Variants in TMEM132D observed in about 807,000 individuals in gnomAD.
TMEM132D encodes the protein mature OL transmembrane protein.
TMEM132D carries 21 observed loss-of-function variants against 62.3 expected under a neutral mutation model. That is an observed-to-expected ratio of 0.34 (90% confidence interval 0.24 to 0.49). The LOEUF is 0.49. Among genes scored for constraint, TMEM132D ranks in the 20% least tolerant of loss-of-function variants. TMEM132D has a pLI of 0.99. For missense variants in TMEM132D, 1,346 were observed against 1,402.8 expected (o/e 0.96, Z 0.65); for synonymous variants, 621 against 575.6 (o/e 1.08, Z -1.13).
chr12:129,428,285 C>T (rs1187011967), intron 3 of TMEM132D, among the ~76,000 whole-genome samples: 4 of 152,336 alleles, frequency 2.6e-5, no homozygotes, highest in Non-Finnish European at 5.9e-5. Context: ...TACAGCACAA[C>T]AGCATCTTTT....
At chr12:129,586,532 T>G (rs1377421731) in intron 2 of TMEM132D, among the ~76,000 whole-genome samples, 13 of 152,282 alleles carry the variant, frequency 8.5e-5, no homozygotes, top group Non-Finnish European at 4.4e-5. Flanking sequence ...GGTCGGGTTC[T>G]AGGAGAGCCC....
chr12:129,582,393 C>T (rs1460569839), intron 2 of TMEM132D, among the ~76,000 whole-genome samples: 3 of 152,132 alleles, frequency 2.0e-5, no homozygotes, highest in Admixed American at 6.5e-5. Context: ...GGGTCACAGA[C>T]CCAGGGTTAC....
chr12:129,255,845 T>A (rs550709995), intron 4 of TMEM132D, among the ~76,000 whole-genome samples: 3 of 152,322 alleles, frequency 2.0e-5, no homozygotes, highest in Admixed American at 6.5e-5. Context: ...CATCAGGAGA[T>A]ATCTCCTTAT....
At position 129,700,236 on chromosome 12, in the gene TMEM132D, C is replaced by A. The variant is rs777401628; in HGVS notation, c.542G>T (p.Gly181Val). 1.9e-6 allele frequency: 3 copies of A among 1,613,006 alleles called. No individual in the cohort carries two copies. Among genetic ancestry groups the A allele is most frequent in the Non-Finnish European group, 2.5e-6 (3 of 1,179,948 alleles). ...FAFRETREVR[G>V]SCRLQGDLGL... ...CAGGTCCCCCTGCAGCCGGCAGCTG[C>A]CCCGCACCTCTCGGGTCTCTCGGAA... The change falls in exon 2 of 9, where the codon GGC (glycine) becomes GTC (valine). Residue 181 changes from glycine (G) to valine (V), a missense_variant. Physicochemically the swap from Gly to Val is moderately radical, Grantham distance 109. Transcript: ENST00000422113.
chr12:129,374,868 T>C (rs914673495), intron 3 of TMEM132D, among the ~76,000 whole-genome samples: 2 of 152,164 alleles, frequency 1.3e-5, no homozygotes, highest in Non-Finnish European at 2.9e-5. Flanking sequence ...AAAACTGTAC[T>C]TGGGTGGGGC....
At chr12:129,220,680 C>G (rs1879323320) in intron 4 of TMEM132D, among the ~76,000 whole-genome samples, 1 of 152,210 alleles carries the variant, frequency 6.6e-6, no homozygotes, top group African/African-American at 2.4e-5. Context: ...TTCACCCCAT[C>G]TCCCAGCGAC....
intron 3 of TMEM132D, among the ~76,000 whole-genome samples, chr12:129,530,665 G>A (rs1056136665): frequency 1.2e-4 from 19 of 152,306 alleles, no homozygotes; most frequent in Admixed American, 8.5e-4. Context: ...GAATGCACCC[G>A]TGTGAAGAGA....
intron 2 of TMEM132D, among the ~76,000 whole-genome samples, chr12:129,626,903 T>A (rs191993528): frequency 6.6e-6 from 1 of 152,190 alleles, no homozygotes; most frequent in East Asian, 1.9e-4. Context: ...CATCGACTTG[T>A]AAGGTCAGCC....
intron 3 of TMEM132D, among the ~76,000 whole-genome samples, chr12:129,398,795 G>C (rs1871506860): frequency 6.6e-6 from 1 of 152,050 alleles, no homozygotes; most frequent in African/African-American, 2.4e-5. Flanking sequence ...CTCTCCCTAA[G>C]GAGAACACTT....
At chr12:129,602,075 C>T (rs1274983662) in intron 2 of TMEM132D, among the ~76,000 whole-genome samples, 2 of 152,142 alleles carry the variant, frequency 1.3e-5, no homozygotes, top group Non-Finnish European at 2.9e-5. Flanking sequence ...TCATTGGAGT[C>T]CATTCACTTC....
intron 1 of TMEM132D, among the ~76,000 whole-genome samples, chr12:129,742,347 G>A (rs772121685): frequency 3.4e-4 from 52 of 152,106 alleles, no homozygotes; most frequent in Non-Finnish European, 6.2e-4. Flanking sequence ...AGGTGAAGAG[G>A]GAGCCAACAT....
At position 129,859,017 on chromosome 12, in the gene TMEM132D, T is replaced by TTGG. The variant is rs1165811333; in HGVS notation, c.79+44243_79+44244insCCA. Among the ~76,000 whole-genome samples the TTGG allele has an allele frequency of 5.9e-5, 8 of 135,856 alleles. 2 individuals are homozygous for TTGG. The highest frequency in any genetic ancestry group is 4.8e-5 in the Non-Finnish European group (3 of 62,404). 89.1% of individuals were successfully genotyped at this position (135,856 alleles called of 152,430 possible). On this transcript the variant is annotated intron_variant, in intron 1 of 8. Coordinates refer to ENST00000422113, the MANE Select transcript of TMEM132D (RefSeq NM_133448.3). ...GTCCGGGGGAACGGGATGGGTGCCCTAGTAACGGAGTCCGGGGGAACGGGA... is the reference window on the plus strand; with the variant it reads ...GTCCGGGGGAACGGGATGGGTGCCCTTGGAGTAACGGAGTCCGGGGGAACGGGA...
intron 1 of TMEM132D, among the ~76,000 whole-genome samples, chr12:129,700,918 C>T (rs988942824): frequency 6.6e-6 from 1 of 152,128 alleles, no homozygotes; most frequent in African/African-American, 2.4e-5. Flanking sequence ...ATCATTTAAC[C>T]TATAAAAAAG....
chr12:129,381,571 G>A (rs938345668), intron 3 of TMEM132D, among the ~76,000 whole-genome samples: 2 of 152,124 alleles, frequency 1.3e-5, no homozygotes, highest in Admixed American at 6.5e-5. Flanking sequence ...ACACAACCAG[G>A]TTGCGAGATT....
chr12:129,268,912 C>T (rs767207170), intron 4 of TMEM132D, among the ~76,000 whole-genome samples: 6 of 151,028 alleles, frequency 4.0e-5, no homozygotes, highest in South Asian at 4.2e-4. Context: ...AGCAAACTAT[C>T]GCAAGGACAA....
intron 5 of TMEM132D, among the ~76,000 whole-genome samples, chr12:129,099,299 A>G (rs766191763): frequency 2.4e-4 from 36 of 152,070 alleles, no homozygotes; most frequent in Non-Finnish European, 4.9e-4. Flanking sequence ...CTCCATGCAC[A>G]CTGATTAATT....
At chr12:129,556,052 T>C (rs896261084) in intron 2 of TMEM132D, among the ~76,000 whole-genome samples, 1 of 152,190 alleles carries the variant, frequency 6.6e-6, no homozygotes, top group Non-Finnish European at 1.5e-5. Flanking sequence ...TTTTCTGTCA[T>C]GAATGTACAT....
intron 4 of TMEM132D, among the ~76,000 whole-genome samples, chr12:129,330,117 C>T (rs1869056191): frequency 6.6e-6 from 1 of 152,080 alleles, no homozygotes; most frequent in African/African-American, 2.4e-5. Context: ...GAAGAGATTC[C>T]TTAACGATTA....
intron 4 of TMEM132D, among the ~76,000 whole-genome samples, chr12:129,251,012 C>T (rs1880248599): frequency 6.6e-6 from 1 of 152,134 alleles, no homozygotes; most frequent in African/African-American, 2.4e-5. Context: ...CACTGTGCAG[C>T]CTTGTGCAGC....
Sources: gnomAD v4.1 joint callset for allele counts (sites outside exome capture counted in the v4.1 genomes callset) on GRCh38, gnomAD v4.1.1 for gene constraint, MANE v1.5 for transcripts, NCBI Gene and HGNC (gene_info 2026-07-23, HGNC 2026-07-21) for gene names.